Variants in BCAS3 observed in about 807,000 individuals in gnomAD.
The protein encoded by BCAS3 is BCAS3 microtubule associated cell migration factor, also known as BCAS4/BCAS3 fusion.
In BCAS3, 53 loss-of-function variants were observed where a neutral mutation model predicts 116.1. The observed-to-expected ratio is 0.46, with a 90% confidence interval of 0.37 to 0.57. The LOEUF is 0.57. BCAS3 is among the 20% of genes least tolerant of loss of function. BCAS3 has a pLI of 0.00. For missense variants in BCAS3, 917 were observed against 1,165.4 expected (o/e 0.79, Z 3.10); for synonymous variants, 391 against 408.2 (o/e 0.96, Z 0.51).
At chr17:60,695,614 T>C (rs1353266943) in intron 4 of BCAS3, among the ~76,000 whole-genome samples, 2 of 152,106 alleles carry the variant, frequency 1.3e-5, no homozygotes, top group African/African-American at 4.8e-5. Context: ...AAATTTTATT[T>C]TTAGAGACAA....
rs549994302 is a variant in BCAS3 at position 61,388,020 on chromosome 17, G to T, written c.2594-3957G>T. Among the ~76,000 whole-genome samples, 1 of 152,128 alleles carries T rather than the reference G, an allele frequency of 6.6e-6. No individual in the cohort carries two copies. The highest frequency in any genetic ancestry group is 6.5e-5 in the Admixed American group (1 of 15,274). On this transcript the variant is annotated intron_variant, in intron 23 of 23. Transcript: ENST00000407086. The surrounding 1 kb of genome is among the most constrained non-coding windows in gnomAD (Gnocchi z 6.5). ...TGACCAGAATCTCCACACCTCTAAGGGGGGAGGTGGCTGGGGACACTTCCC... is the reference window on the plus strand; with the variant it reads ...TGACCAGAATCTCCACACCTCTAAGTGGGGAGGTGGCTGGGGACACTTCCC...
chr17:61,050,381 T>A (rs962357861), intron 19 of BCAS3, among the ~76,000 whole-genome samples: 1 of 152,006 alleles, frequency 6.6e-6, no homozygotes, highest in Non-Finnish European at 1.5e-5. Context: ...TTGTTTTTAA[T>A]ATATACTGTG....
In BCAS3 at chr17:61,028,881, T is replaced by G. The variant is rs547395704; in HGVS notation, c.1638-5785T>G. On this transcript the variant is annotated intron_variant, in intron 16 of 23. Transcript: ENST00000407086. The surrounding 1 kb of genome is among the most constrained non-coding windows in gnomAD (Gnocchi z 4.3). ...AAAGGTTCTCCTTTAAAATGTTACTTTCCCAGTGGTGCATGTTTTTTCCAT... is the reference window on the plus strand; with the variant it reads ...AAAGGTTCTCCTTTAAAATGTTACTGTCCCAGTGGTGCATGTTTTTTCCAT... Among the ~76,000 whole-genome samples, 8 of 152,056 alleles carry G rather than the reference T, an allele frequency of 5.3e-5. No homozygotes were observed. The highest frequency in any genetic ancestry group is 2.6e-4 in the Admixed American group (4 of 15,250).
Position 61,095,116 on chromosome 17 carries a change from T to A in BCAS3, c.2425+10552T>A, listed in dbSNP as rs2143621217. ...TTAAGGATCATATCAAGGAAGAATA[T>A]CCCCAGAACCTGAAAATGCTATTAA... On this transcript the variant is annotated intron_variant, in intron 22 of 23. Coordinates refer to ENST00000407086, the MANE Select transcript of BCAS3 (RefSeq NM_017679.5). The surrounding 1 kb of genome is among the most constrained non-coding windows in gnomAD (Gnocchi z 4.7). Among the ~76,000 whole-genome samples, 1 of 152,278 alleles carries A rather than the reference T, an allele frequency of 6.6e-6. No individual in the cohort carries two copies.
rs148452526 is a variant in BCAS3, at chr17:61,169,951, T to C, written c.2425+85387T>C. Among the ~76,000 whole-genome samples the C allele has an allele frequency of 3.6e-3, 550 of 151,736 alleles. 6 individuals are homozygous for C. The highest frequency in any genetic ancestry group is 0.034 in the Middle Eastern group (10 of 294). ...CTCACTGCAACTTCCACCTCCCGGG[T>C]TCAAGCAATTCTTGTGCCTCAGCCT... is the stretch of plus-strand genomic sequence containing the variant. On this transcript the variant is annotated intron_variant, in intron 22 of 23. Transcript: ENST00000407086.
At chr17:60,713,402 G>T (rs1423056300) in intron 5 of BCAS3, among the ~76,000 whole-genome samples, 1 of 152,138 alleles carries the variant, frequency 6.6e-6, no homozygotes, top group Non-Finnish European at 1.5e-5. Context: ...GCTAGACAGT[G>T]GGGAGCCTAT....
intron 22 of BCAS3, among the ~76,000 whole-genome samples, chr17:61,234,010 A>G (rs983511408): frequency 6.6e-6 from 1 of 151,402 alleles, no homozygotes; most frequent in African/African-American, 2.4e-5. Flanking sequence ...TACCCACATC[A>G]TGGAGCAAAA....
intron 7 of BCAS3, among the ~76,000 whole-genome samples, chr17:60,827,374 G>T (rs908945848): frequency 2.6e-5 from 4 of 152,136 alleles, no homozygotes; most frequent in Non-Finnish European, 5.9e-5. Context: ...TGGGAGTTTT[G>T]CCTCTATGAC....
intron 6 of BCAS3, among the ~76,000 whole-genome samples, chr17:60,769,149 C>T (rs2044400356): frequency 6.6e-6 from 1 of 152,122 alleles, no homozygotes; most frequent in African/African-American, 2.4e-5. Context: ...ATGACATGCT[C>T]AGTTACTGTG....
chr17:60,851,498 G>A (rs1308512075), intron 7 of BCAS3: 1 of 573,532 alleles, frequency 1.7e-6, no homozygotes, highest in East Asian at 4.2e-5. Flanking sequence ...AGCCGAAAAA[G>A]GCAGCAGCAA....
At chr17:61,374,166 C>T (rs961517234) in intron 23 of BCAS3, among the ~76,000 whole-genome samples, 2 of 149,424 alleles carry the variant, frequency 1.3e-5, no homozygotes, top group Admixed American at 1.3e-4. Flanking sequence ...ATCTGAGTAT[C>T]TGTTTGCTGC....
At chr17:61,054,258 C>G (rs1238307027) in intron 19 of BCAS3, among the ~76,000 whole-genome samples, 1 of 152,228 alleles carries the variant, frequency 6.6e-6, no homozygotes, top group East Asian at 1.9e-4. Flanking sequence ...ACCTAATGAT[C>G]TGTACCCTAT....
Position 61,348,723 on chromosome 17 carries a change from C to T in BCAS3, c.2426-19604C>T, listed in dbSNP as rs2057651694. Among the ~76,000 whole-genome samples the T allele has an allele frequency of 1.3e-5, 2 of 150,838 alleles. No homozygotes were observed. Among genetic ancestry groups the T allele is most frequent in the South Asian group, 4.2e-4 (2 of 4,744 alleles). On this transcript the variant is annotated intron_variant, in intron 22 of 23. Coordinates refer to ENST00000407086, the MANE Select transcript of BCAS3 (RefSeq NM_017679.5). This position sits in a 1 kb window ranked among gnomAD's most constrained non-coding sequence, Gnocchi z 4.5. Reference sequence around the variant, plus strand: ...TGCCATGATCATGGGAGGACAGTCACGTGCTTCTTGCAACCTCTTGGGCAG... The same window carrying T: ...TGCCATGATCATGGGAGGACAGTCATGTGCTTCTTGCAACCTCTTGGGCAG...
At chr17:60,832,440 A>G (rs559934414) in intron 7 of BCAS3, among the ~76,000 whole-genome samples, 1 of 152,324 alleles carries the variant, frequency 6.6e-6, no homozygotes, top group Non-Finnish European at 1.5e-5. Context: ...ATTTAAAAAA[A>G]ATTTCTCAGT....
chr17:60,840,157 G>T (rs1332317674), intron 7 of BCAS3, among the ~76,000 whole-genome samples: 1 of 151,976 alleles, frequency 6.6e-6, no homozygotes, highest in African/African-American at 2.4e-5. Flanking sequence ...TTAAAAAATA[G>T]ATGAGAGACA....
intron 7 of BCAS3, among the ~76,000 whole-genome samples, chr17:60,826,770 G>A (rs186990305): frequency 2.0e-5 from 3 of 152,222 alleles, no homozygotes; most frequent in Admixed American, 2.0e-4. Context: ...TTTAACAGGA[G>A]TACTTAGAAA....
In BCAS3 at chr17:61,040,831, A is replaced by G; in HGVS notation, c.1968A>G (p.Ala656=). ...ATGAATTGCAGCCACCGTTTAATGC[A>G]AACCACCCTCTGCTCCTCGCTGCAG... ...QWNELQPPFN[A]NHPLLLAADA... Residue 656 remains alanine (A), a synonymous_variant, in exon 19 of 24, where the codon GCA becomes GCG. Coordinates refer to ENST00000407086, the MANE Select transcript of BCAS3 (RefSeq NM_017679.5). 1 of 1,614,152 alleles carries G rather than the reference A, an allele frequency of 6.2e-7. No individual in the cohort carries two copies. The highest frequency in any genetic ancestry group is 8.5e-7 in the Non-Finnish European group (1 of 1,180,028).
At chr17:60,870,407 G>A (rs550224456) in intron 8 of BCAS3, among the ~76,000 whole-genome samples, 4 of 152,254 alleles carry the variant, frequency 2.6e-5, no homozygotes, top group African/African-American at 7.2e-5. Context: ...AGACCTAGTA[G>A]TTTAAAGCAC....
At chr17:61,225,359 C>T (rs1276418615) in intron 22 of BCAS3, among the ~76,000 whole-genome samples, 6 of 152,148 alleles carry the variant, frequency 3.9e-5, no homozygotes, top group Non-Finnish European at 8.8e-5. Context: ...TTACCTTTCA[C>T]ACTTGTGTTG....
Sources: allele counts gnomAD v4.1 joint callset (sites outside exome capture counted in the v4.1 genomes callset), GRCh38; gene constraint gnomAD v4.1.1; non-coding constraint Gnocchi (gnomAD v3.1); transcripts MANE v1.5; gene names NCBI Gene and HGNC (gene_info 2026-07-23, HGNC 2026-07-21).